FAT4: variants seen among roughly 807,000 people sequenced by gnomAD.
FAT4 encodes the protein protocadherin Fat 4.
A neutral mutation model predicts 303.9 loss-of-function variants in FAT4; 84 were observed. The observed-to-expected ratio is 0.28, with a 90% CI of 0.23 to 0.33. The LOEUF is 0.33. FAT4 is among the 10% of genes least tolerant of loss of function. FAT4 has a pLI of 1.00. For missense variants in FAT4, 6,005 were observed against 6,146.8 expected (o/e 0.98, Z 0.77); for synonymous variants, 2,307 against 2,298.8 (o/e 1.00, Z -0.10).
At chr4:125,437,051 C>T (rs1725477990) in intron 8 of FAT4, among the ~76,000 whole-genome samples, 1 of 152,054 alleles carries the variant, frequency 6.6e-6, no homozygotes, top group African/African-American at 2.4e-5. Context: ...GATGGGGTTT[C>T]ACCATGTTGG....
Position 125,316,367 on chromosome 4 carries a change from C to T in FAT4, c.-12-33C>T, listed in dbSNP as rs1276202448. The T allele has an allele frequency of 3.9e-6, 6 of 1,545,830 alleles. No individual in the cohort carries two copies. The Admixed American group carries it at 1.2e-4, about 30-fold the overall frequency. On this transcript the variant is annotated intron_variant, in intron 1 of 17. Coordinates refer to ENST00000394329, the MANE Select transcript of FAT4 (RefSeq NM_001291303.3). This position sits in a 1 kb window ranked among gnomAD's most constrained non-coding sequence, Gnocchi z 5.7. ...CCTGTAAATATCATTGCGTTTGCTT[C>T]ACCCCTTCCTTCTCTTTATCACATC...
chr4:125,491,842 T>C lies in FAT4; in HGVS notation c.*74T>C. 2 of 1,443,078 alleles carry C rather than the reference T, an allele frequency of 1.4e-6. No individual in the cohort carries two copies. The highest frequency in any genetic ancestry group is 2.5e-5 in the East Asian group (1 of 40,404). The allele number at this position is 1,443,078 out of a possible 1,614,324, so 89.4% of individuals were successfully genotyped here. ...AACCATTGTAAAGTTGCTGACTAGG[T>C]TGGGTCACATTTGAAAAACAGGCCA... On this transcript the variant is annotated 3_prime_UTR_variant, in exon 18 of 18. Coordinates refer to ENST00000394329, the MANE Select transcript of FAT4 (RefSeq NM_001291303.3).
chr4:125,350,673 T>C lies in FAT4; in HGVS notation c.5175+29087T>C, dbSNP rs528997258. ...CCCCAGAGCTGGCCTCCAGGAAGGCTTGGATCCTTACAAGTTTGGAAAAAT... is the reference window on the plus strand; with the variant it reads ...CCCCAGAGCTGGCCTCCAGGAAGGCCTGGATCCTTACAAGTTTGGAAAAAT... On this transcript the variant is annotated intron_variant, in intron 2 of 17. Transcript: ENST00000394329. Among the ~76,000 whole-genome samples, 7 of 151,778 alleles carry C rather than the reference T, an allele frequency of 4.6e-5. No homozygotes were observed. The East Asian group carries it at 9.7e-4, about 21-fold the overall frequency.
intron 2 of FAT4, among the ~76,000 whole-genome samples, chr4:125,385,786 A>G (rs1733725269): frequency 6.6e-6 from 1 of 152,064 alleles, no homozygotes; most frequent in Admixed American, 6.5e-5. Context: ...TTCTTTCTAC[A>G]TTTCCATAGT....
chr4:125,434,279 C>T lies in FAT4; in HGVS notation c.7053C>T (p.Asn2351=), dbSNP rs199682494. 127 of 1,613,874 alleles carry T rather than the reference C, an allele frequency of 7.9e-5. No individual in the cohort carries two copies. The African/African-American group carries it at 8.3e-4, about 11-fold the overall frequency. ...SPALTGTGTI[N]VIVDDVNDNV... is the part of the protein sequence containing the mutation. ...CCTTGACTGGAACTGGAACAATCAA[C>T]GTCATAGTAGATGATGTCAATGACA... Residue 2351 remains asparagine, a synonymous_variant, in exon 8 of 18, where the codon AAC becomes AAT. Coordinates refer to ENST00000394329, the MANE Select transcript of FAT4 (RefSeq NM_001291303.3).
chr4:125,413,798 T>C (rs985732619), intron 5 of FAT4, among the ~76,000 whole-genome samples: 34 of 151,970 alleles, frequency 2.2e-4, no homozygotes, highest in African/African-American at 8.0e-4. Flanking sequence ...TCTAGACGAC[T>C]TTTGCCAAAA....
intron 2 of FAT4, among the ~76,000 whole-genome samples, chr4:125,370,842 A>G (rs563701459): frequency 1.3e-5 from 2 of 152,284 alleles, no homozygotes; most frequent in South Asian, 4.1e-4. Context: ...AGTTCTCTTT[A>G]TTAATCAGAG....
intron 16 of FAT4, among the ~76,000 whole-genome samples, chr4:125,482,547 T>A: frequency 6.6e-6 from 1 of 152,132 alleles, no homozygotes; most frequent in Middle Eastern, 3.2e-3. Flanking sequence ...TTATATTTAC[T>A]GCCTTCCATT....
In FAT4 at chr4:125,393,906, C is replaced by A. The variant is rs1734067738; in HGVS notation, c.5176-4878C>A. ...CTGCTCAGGGCTCAGGTGACTCAGT[C>A]AAGAAAGTCATTCTTGTGAAGCTAC... On this transcript the variant is annotated intron_variant, in intron 2 of 17. Transcript: ENST00000394329. 3 of 778,636 alleles carry A rather than the reference C, an allele frequency of 3.9e-6. No homozygotes were observed. In the South Asian group the frequency reaches 4.0e-5, roughly 10 times the overall value. 48.2% of individuals were successfully genotyped at this position (778,636 alleles called of 1,614,324 possible).
chr4:125,416,921 G>T (rs2126029341), intron 7 of FAT4, among the ~76,000 whole-genome samples: 1 of 152,204 alleles, frequency 6.6e-6, no homozygotes, highest in South Asian at 2.1e-4. Context: ...TCTCCAGCCT[G>T]GGCAACAAGA....
At chr4:125,327,986 T>G (rs1731223556) in intron 2 of FAT4, among the ~76,000 whole-genome samples, 2 of 152,142 alleles carry the variant, frequency 1.3e-5, no homozygotes, top group Admixed American at 6.5e-5. Context: ...TTTCAAGAAT[T>G]AATAAATCTA....
intron 10 of FAT4, among the ~76,000 whole-genome samples, chr4:125,459,861 A>G (rs1028273590): frequency 6.6e-6 from 1 of 152,078 alleles, no homozygotes; most frequent in African/African-American, 2.4e-5. Context: ...GCATTCTCTG[A>G]TACTCATTAT....
At chr4:125,377,720 C>G (rs571139028) in intron 2 of FAT4, among the ~76,000 whole-genome samples, 2 of 151,916 alleles carry the variant, frequency 1.3e-5, no homozygotes, top group Non-Finnish European at 2.9e-5. Context: ...AAAAGCTGTT[C>G]TAATAAATAA....
At chr4:125,421,348 A>G (rs1356776054) in intron 7 of FAT4, among the ~76,000 whole-genome samples, 5 of 152,234 alleles carry the variant, frequency 3.3e-5, no homozygotes, top group Admixed American at 1.3e-4. Context: ...TAGCTTAAAT[A>G]TAAGGGCCCA....
At chr4:125,345,524 T>C (rs1731965405) in intron 2 of FAT4, among the ~76,000 whole-genome samples, 1 of 152,070 alleles carries the variant, frequency 6.6e-6, no homozygotes, top group African/African-American at 2.4e-5. Flanking sequence ...ATTTTGTTGA[T>C]GTTGTTATTA....
chr4:125,443,306 G>A (rs965278497), intron 8 of FAT4, among the ~76,000 whole-genome samples: 2 of 152,096 alleles, frequency 1.3e-5, no homozygotes, highest in Admixed American at 6.6e-5. Context: ...CGTGTTTATT[G>A]ATTTTCATTG....
intron 16 of FAT4, among the ~76,000 whole-genome samples, chr4:125,486,193 GT>G (rs1319448143): frequency 6.9e-6 from 1 of 145,628 alleles, no homozygotes; most frequent in Non-Finnish European, 1.5e-5. Context: ...GAAAGTTGCT[GT>G]TTTTACTGTG....
At chr4:125,393,141 C>T (rs1734035895) in intron 2 of FAT4, among the ~76,000 whole-genome samples, 1 of 152,100 alleles carries the variant, frequency 6.6e-6, no homozygotes, top group East Asian at 1.9e-4. Flanking sequence ...GATTGTTTTT[C>T]TTCTTTATTT....
rs1267771438 is a variant in FAT4, at chr4:125,415,513, G to A, written c.6550G>A (p.Gly2184Ser). ...AGTGTTCGCAGCAGATGGAGATGAA[G>A]GCACAAATGGACAGGTTCGCTATGG... ...IQVFAADGDE[G>S]TNGQVRYGIV... The change falls in exon 6 of 18, where the codon GGC becomes AGC. Residue 2184 changes from glycine (G) to serine (S), a missense_variant. Transcript: ENST00000394329. The A allele has an allele frequency of 1.9e-6, 3 of 1,614,084 alleles. No individual in the cohort carries two copies. Among genetic ancestry groups the A allele is most frequent in the South Asian group, 1.1e-5 (1 of 91,088 alleles).
Sources: gnomAD v4.1 joint callset for allele counts (sites outside exome capture counted in the v4.1 genomes callset) on GRCh38, gnomAD v4.1.1 for gene constraint, Gnocchi (gnomAD v3.1) non-coding constraint, MANE v1.5 for transcripts, NCBI Gene and HGNC (gene_info 2026-07-23, HGNC 2026-07-21) for gene names.